Variants in EPC2 observed in about 807,000 individuals in gnomAD.
EPC2 encodes the protein enhancer of polycomb homolog 2.
In EPC2, 14 loss-of-function variants were observed where a neutral mutation model predicts 92.1. The observed-to-expected ratio is 0.15, with a 90% CI of 0.10 to 0.24. EPC2 has a LOEUF of 0.24. EPC2 is among the 10% of genes least tolerant of loss of function. The pLI is 1.00. For missense variants in EPC2, 755 were observed against 971.5 expected (o/e 0.78, Z 2.96); for synonymous variants, 340 against 334.7 (o/e 1.02, Z -0.17).
At chr2:148,771,437 A>G (rs779765653) in intron 10 of EPC2, 50 bp downstream of exon 10, 2 of 1,451,138 alleles carry the variant, frequency 1.4e-6, no homozygotes, top group Admixed American at 4.6e-5. Context: ...TTTTTACTTA[A>G]TTTTATTGGG....
chr2:148,724,103 A>G (rs750517745), intron 2 of EPC2, among the ~76,000 whole-genome samples: 20 of 152,150 alleles, frequency 1.3e-4, no homozygotes, highest in Non-Finnish European at 2.8e-4. Flanking sequence ...TATACAATTT[A>G]TAATCTTATT....
At chr2:148,758,744 A>C (rs1369810317) in intron 4 of EPC2, among the ~76,000 whole-genome samples, 8 of 152,066 alleles carry the variant, frequency 5.3e-5, no homozygotes, top group African/African-American at 1.9e-4. Context: ...GACTAGGGCA[A>C]CCTGGGAGAT....
intron 2 of EPC2, among the ~76,000 whole-genome samples, chr2:148,733,331 C>G (rs758687749): frequency 2.0e-5 from 3 of 151,880 alleles, no homozygotes; most frequent in Non-Finnish European, 4.4e-5. Flanking sequence ...TGAACTTAAA[C>G]TAGGGATGAG....
chr2:148,778,794 C>G (rs1326017838), intron 10 of EPC2, among the ~76,000 whole-genome samples: 1 of 151,946 alleles, frequency 6.6e-6, no homozygotes, highest in Non-Finnish European at 1.5e-5. Flanking sequence ...TTGTTTCAAG[C>G]ACAGAATACC....
chr2:148,701,379 T>C (rs1348739813), intron 2 of EPC2, among the ~76,000 whole-genome samples: 1 of 152,222 alleles, frequency 6.6e-6, no homozygotes, highest in Non-Finnish European at 1.5e-5. Context: ...ACACTTGTGA[T>C]ATTAACTGTA....
intron 3 of EPC2, among the ~76,000 whole-genome samples, chr2:148,751,065 T>C (rs996249462): frequency 2.5e-4 from 38 of 152,122 alleles, no homozygotes; most frequent in African/African-American, 8.9e-4. Context: ...TGAGTTTCTT[T>C]AGGTAGCAAA....
chr2:148,765,351 T>C (rs1415667308), intron 7 of EPC2, among the ~76,000 whole-genome samples: 5 of 152,222 alleles, frequency 3.3e-5, no homozygotes, highest in Admixed American at 6.5e-5. Context: ...TTTACTCTTT[T>C]GTGGAGCGCA....
rs572595594 is a variant in EPC2, at chr2:148,762,721, T to C, written c.867T>C (p.Ser289=). 5.0e-6 allele frequency: 8 copies of C among 1,610,358 alleles called. No homozygotes were observed. The South Asian group carries it at 7.7e-5, about 16-fold the overall frequency. The part of the protein sequence containing the change: ...GGEILNEVKI[S]RSEKELYATP... ...AAATCCTTAATGAAGTAAAAATCAG[T>C]AGATCAGAAAAAGAGTTATATGCCA... is the stretch of plus-strand genomic sequence containing the variant. Residue 289 remains serine (S), a synonymous_variant, in exon 6 of 14, where the codon AGT becomes AGC. Transcript: ENST00000258484.
intron 6 of EPC2, among the ~76,000 whole-genome samples, chr2:148,763,527 AT>A (rs1683344231): frequency 6.6e-6 from 1 of 152,172 alleles, no homozygotes; most frequent in Non-Finnish European, 1.5e-5. Flanking sequence ...CTGTAGCAAA[AT>A]TTTTTAAATG....
Position 148,688,801 on chromosome 2 carries a change from G to A in EPC2, c.154-1413G>A, listed in dbSNP as rs186911514. Among the ~76,000 whole-genome samples the A allele has an allele frequency of 1.2e-4, 19 of 152,200 alleles. 1 individual carries two copies. The highest frequency in any genetic ancestry group is 4.3e-4 in the African/African-American group (18 of 41,536). ...CTTCTATATTTTGGCCATTGTACTA[G>A]GCATTAGGGATAAGAAATTAACAAA... On this transcript the variant is annotated intron_variant, in intron 1 of 13. Transcript: ENST00000258484.
In EPC2 at chr2:148,787,515, C is replaced by T. The variant is rs1317689890; in HGVS notation, c.*1138C>T. The T allele has an allele frequency of 6.6e-6, 1 of 152,574 alleles. No individual in the cohort carries two copies. The highest frequency in any genetic ancestry group is 1.5e-5 in the Non-Finnish European group (1 of 68,024). The allele number at this position is 152,574 out of a possible 1,614,324, so 9.5% of individuals were successfully genotyped here. On this transcript the variant is annotated 3_prime_UTR_variant, in exon 14 of 14. Coordinates refer to ENST00000258484, the MANE Select transcript of EPC2 (RefSeq NM_015630.4). Reference sequence around the variant, plus strand: ...CTAGTTCAGACAACTTTCCCTGTTACTTGTTCTTGATAAGTGAAAACTGCA... The same window carrying T: ...CTAGTTCAGACAACTTTCCCTGTTATTTGTTCTTGATAAGTGAAAACTGCA...
intron 2 of EPC2, among the ~76,000 whole-genome samples, chr2:148,709,156 A>G (rs1227673361): frequency 2.0e-5 from 3 of 152,236 alleles, no homozygotes; most frequent in Non-Finnish European, 4.4e-5. Context: ...GTCTCAGGAT[A>G]CAAAATCAGT....
chr2:148,741,571 T>C (rs1260421904), intron 2 of EPC2, among the ~76,000 whole-genome samples: 2 of 152,166 alleles, frequency 1.3e-5, no homozygotes, highest in East Asian at 3.8e-4. Context: ...AAGAAAGTCA[T>C]GCTGAATCTG....
At chr2:148,692,456 A>G (rs1269329520) in intron 2 of EPC2, 4 of 152,226 alleles carry the variant, frequency 2.6e-5, no homozygotes, top group Admixed American at 2.6e-4. Flanking sequence ...TGTCGACTGA[A>G]TTGTTTTAAA....
chr2:148,756,819 C>T (rs1683199501), intron 4 of EPC2, among the ~76,000 whole-genome samples: 1 of 152,200 alleles, frequency 6.6e-6, no homozygotes, highest in Admixed American at 6.5e-5. Flanking sequence ...AGCTGCTCTA[C>T]ATAACAGTCA....
chr2:148,761,016 G>T (rs1276340297), intron 4 of EPC2, among the ~76,000 whole-genome samples: 1 of 152,150 alleles, frequency 6.6e-6, no homozygotes, highest in African/African-American at 2.4e-5. Context: ...GGAATCTGTG[G>T]ATGTTTAACA....
chr2:148,719,065 C>T (rs1334908220), intron 2 of EPC2, among the ~76,000 whole-genome samples: 3 of 151,946 alleles, frequency 2.0e-5, no homozygotes, highest in African/African-American at 2.4e-5. Context: ...GTGAAGTTCT[C>T]GTGTTGTGTT....
intron 10 of EPC2, among the ~76,000 whole-genome samples, chr2:148,773,977 A>G (rs1574635774): frequency 6.6e-6 from 1 of 152,118 alleles, no homozygotes; most frequent in Non-Finnish European, 1.5e-5. Context: ...GCTTGTTCTT[A>G]GTGGGCTTGG....
At chr2:148,648,082 C>T (rs953442742) in intron 1 of EPC2, among the ~76,000 whole-genome samples, 1 of 152,130 alleles carries the variant, frequency 6.6e-6, no homozygotes, top group Non-Finnish European at 1.5e-5. Context: ...GAGTTGAAAC[C>T]CAGAACCTCT....
Sources: gnomAD v4.1 joint callset for allele counts (sites outside exome capture counted in the v4.1 genomes callset) on GRCh38, gnomAD v4.1.1 for gene constraint, MANE v1.5 for transcripts, NCBI Gene and HGNC (gene_info 2026-07-23, HGNC 2026-07-21) for gene names.